The following ZFYVE26 variants were observed in gnomAD, a reference collection of about 807,000 sequenced individuals.
ZFYVE26 encodes the protein zinc finger FYVE-type containing 26, also known as zinc finger FYVE domain-containing protein 26.
Under a neutral mutation model 276.5 loss-of-function variants are expected in ZFYVE26, and 181 were observed. The observed-to-expected ratio is 0.65, with a 90% CI of 0.58 to 0.74. ZFYVE26 has a LOEUF of 0.74. ZFYVE26 is among the 30% of genes least tolerant of loss of function. The pLI is 0.00. For missense variants in ZFYVE26, 2,821 were observed against 3,097.9 expected (o/e 0.91, Z 2.12); for synonymous variants, 1,129 against 1,203.1 (o/e 0.94, Z 1.27).
intron 32 of ZFYVE26, among the ~76,000 whole-genome samples, chr14:67,763,124 T>C (rs767373257): frequency 6.6e-6 from 1 of 152,186 alleles, no homozygotes; most frequent in South Asian, 2.1e-4. Flanking sequence ...AGGCTGGTCT[T>C]GAACTCCTGA....
intron 2 of ZFYVE26, among the ~76,000 whole-genome samples, chr14:67,815,367 G>C (rs1371835517): frequency 1.3e-5 from 2 of 152,188 alleles, no homozygotes; most frequent in Non-Finnish European, 2.9e-5. Flanking sequence ...GCAGCTTCTT[G>C]TGAGACTGCA....
intron 13 of ZFYVE26, among the ~76,000 whole-genome samples, chr14:67,732,823 CACCCACCTCAGCCT>C (rs1374498167): frequency 1.3e-5 from 2 of 152,162 alleles, no homozygotes; most frequent in African/African-American, 2.4e-5. Context: ...TCAGGTGATC[CACCCACCTCAGCCT>C]CCCAAAGTCC....
At chr14:67,762,438 T>C in intron 33 of ZFYVE26, 26 bp from the exon 34 acceptor site, 2 of 1,604,884 alleles carry the variant, frequency 1.2e-6, no homozygotes, top group Non-Finnish European at 1.7e-6. Flanking sequence ...CCCCTTTTAG[T>C]GAGTGGTAGC....
chr14:67,766,311 G>A lies in ZFYVE26; in HGVS notation c.5927C>T (p.Thr1976Met), dbSNP rs149744465. The change falls in exon 32 of 42, where the codon ACG (threonine) becomes ATG (methionine). Residue 1976 changes from threonine (T) to methionine (M), a missense_variant. By Grantham distance (81) the Thr-to-Met change is moderately conservative. Transcript: ENST00000347230. ...GAACAGCAGCTGCTTCATGATGTCC[G>A]TGAGCAGCCCGGCATCCACCTCTGG... ...TNPEVDAGLL[T>M]DIMKQLLFSA... is the part of the protein sequence containing the mutation. The A allele has an allele frequency of 2.5e-4, 402 of 1,613,586 alleles. No individual in the cohort carries two copies. The highest frequency in any genetic ancestry group is 3.2e-4 in the Non-Finnish European group (380 of 1,180,044).
Position 67,783,376 on chromosome 14 carries a change from A to G in ZFYVE26, c.3776T>C (p.Leu1259Pro). The change falls in exon 21 of 42, where the codon CTA (leucine) becomes CCA (proline). Residue 1259 changes from leucine to proline, a missense_variant. Transcript: ENST00000347230. The stretch of plus-strand genomic sequence containing the variant: ...GTCATCCAGGCAGTGAGAGGCGTGT[A>G]GCTGGGCCAGAGTACCCAGACGAGT... ...LLTRLGTLAQLHASHCLDDLP... is the reference protein window; with the variant it reads ...LLTRLGTLAQPHASHCLDDLP... 1.2e-6 allele frequency: 2 copies of G among 1,614,118 alleles called. No homozygotes were observed. Among genetic ancestry groups the G allele is most frequent in the South Asian group, 1.1e-5 (1 of 91,080 alleles).
At position 67,784,440 on chromosome 14, in the gene ZFYVE26, C is replaced by T. The variant is rs2039596075; in HGVS notation, c.3524-4G>A. ...CCTACCTTGACCTCCACATGATCTG[C>T]AAAGGTAAAGAACATGATCTTTGTT... On this transcript the variant is annotated splice_region_variant and splice_polypyrimidine_tract_variant and intron_variant, in intron 19 of 41. Transcript: ENST00000347230. 1 of 1,613,132 alleles carries T rather than the reference C, an allele frequency of 6.2e-7. No individual in the cohort carries two copies. Among genetic ancestry groups the T allele is most frequent in the Non-Finnish European group, 8.5e-7 (1 of 1,179,098 alleles).
intron 3 of ZFYVE26, among the ~76,000 whole-genome samples, chr14:67,811,622 A>T (rs1429982449): frequency 6.6e-6 from 1 of 151,884 alleles, no homozygotes; most frequent in Non-Finnish European, 1.5e-5. Flanking sequence ...CAAATAAGTA[A>T]ACTAAAATAT....
intron 13 of ZFYVE26, chr14:67,733,838 G>C: frequency 1.2e-6 from 2 of 1,611,236 alleles, no homozygotes. Flanking sequence ...CTAGGAATCC[G>C]GTGGGAGTAG....
chr14:67,757,578 A>G (rs2038810395), intron 35 of ZFYVE26, among the ~76,000 whole-genome samples: 1 of 152,106 alleles, frequency 6.6e-6, no homozygotes, highest in African/African-American at 2.4e-5. Context: ...TTCATCATCT[A>G]CAATATCTAT....
At chr14:67,792,591 A>G (rs984405303) in intron 14 of ZFYVE26, among the ~76,000 whole-genome samples, 3 of 151,994 alleles carry the variant, frequency 2.0e-5, no homozygotes, top group African/African-American at 7.3e-5. Context: ...AGCTCTCCAT[A>G]CTTCTTGTAT....
At chr14:67,734,404 C>A (rs752589582) in intron 13 of ZFYVE26, 1 of 155,012 alleles carries the variant, frequency 6.5e-6, no homozygotes, top group Non-Finnish European at 1.4e-5. Flanking sequence ...GTAAAGAGTT[C>A]CGTTTGCCTT....
chr14:67,777,701 A>T lies in ZFYVE26; in HGVS notation c.4832T>A (p.Leu1611His). Reference protein sequence around the residue: ...LRRIPDPTMCLEVTEQSLDQH... With the variant: ...LRRIPDPTMCHEVTEQSLDQH... ...GTCGAGGGATTGCTCTGTCACTTCA[A>T]GGCACATGGTGGGGTCAGGGATTCT... The change falls in exon 25 of 42, where the codon CTT (leucine) becomes CAT (histidine). Residue 1611 changes from leucine (L) to histidine (H), a missense_variant. Leu to His is a moderately conservative substitution (Grantham distance 99, BLOSUM62 -3). Coordinates refer to ENST00000347230, the MANE Select transcript of ZFYVE26 (RefSeq NM_015346.4). 1.2e-6 allele frequency: 2 copies of T among 1,614,192 alleles called. No homozygotes were observed. Among genetic ancestry groups the T allele is most frequent in the Non-Finnish European group, 1.7e-6 (2 of 1,180,048 alleles).
intron 13 of ZFYVE26, among the ~76,000 whole-genome samples, chr14:67,739,193 G>C (rs567793713): frequency 2.6e-5 from 4 of 152,296 alleles, no homozygotes; most frequent in African/African-American, 9.6e-5. Flanking sequence ...GAAATTTTCT[G>C]TCTTGTGTTG....
At chr14:67,754,910 C>CTACA in intron 37 of ZFYVE26, 141 bp downstream of exon 37, 1 of 982,532 alleles carries the variant, frequency 1.0e-6, no homozygotes, top group South Asian at 1.4e-5. Flanking sequence ...TAGGCTTGTA[C>CTACA]TACACACTGT....
chr14:67,777,881 T>C lies in ZFYVE26; in HGVS notation c.4798-146A>G. Reference sequence around the variant, plus strand: ...TCCTTTTTTTTTTTAACCACCTCTGTAGTTTCCCAAATGCCATGGCTTTGA... The same window carrying C: ...TCCTTTTTTTTTTTAACCACCTCTGCAGTTTCCCAAATGCCATGGCTTTGA... On this transcript the variant is annotated intron_variant, in intron 24 of 41. Transcript: ENST00000347230. The C allele has an allele frequency of 2.5e-6, 3 of 1,208,948 alleles. No homozygotes were observed. The South Asian group carries it at 3.8e-5, about 15-fold the overall frequency. 74.9% of individuals were successfully genotyped at this position (1,208,948 alleles called of 1,614,324 possible).
In ZFYVE26 at chr14:67,816,170, C is replaced by T. The variant is rs1017028472; in HGVS notation, c.-83-124G>A. 7.3e-5 allele frequency: 40 copies of T among 549,278 alleles called. No homozygotes were observed. In the South Asian group the frequency reaches 9.7e-4, roughly 13 times the overall value. The allele number at this position is 549,278 out of a possible 1,614,324, so 34.0% of individuals were successfully genotyped here. A position where few individuals can be genotyped will look rare whatever the true frequency, so the allele number is the denominator to read the frequency against. The stretch of plus-strand genomic sequence containing the variant: ...CTAAGTATCGTTTTCAGTTTAATTT[C>T]CCACGTTACTTTTTGAAAACACTTT... On this transcript the variant is annotated intron_variant, in intron 1 of 41. Coordinates refer to ENST00000347230, the MANE Select transcript of ZFYVE26 (RefSeq NM_015346.4).
intron 13 of ZFYVE26, among the ~76,000 whole-genome samples, chr14:67,738,779 TCAG>T (rs2038381244): frequency 6.6e-6 from 1 of 152,186 alleles, no homozygotes; most frequent in Non-Finnish European, 1.5e-5. Context: ...ATTAATAACT[TCAG>T]CAGACACTGT....
rs551913322 is a variant in ZFYVE26, at chr14:67,806,624, T to C, written c.938A>G (p.Asn313Ser). 6.2e-7 allele frequency: 1 copy of C among 1,614,182 alleles called. No homozygotes were observed. Among genetic ancestry groups the C allele is most frequent in the Non-Finnish European group, 8.5e-7 (1 of 1,180,016 alleles). Residue 313 changes from asparagine (N) to serine (S), a missense_variant, in exon 6 of 42, where the codon AAT (asparagine) becomes AGT (serine). By Grantham distance (46) the Asn-to-Ser change is conservative. Coordinates refer to ENST00000347230, the MANE Select transcript of ZFYVE26 (RefSeq NM_015346.4). ...TTTCCAAGCCTCGGCTGGGTTGGGA[T>C]TGGAGAACAGGGCTAGCATTGCCCG... ...PERAMLALFS[N>S]PNPAEAWKVA...
chr14:67,738,789 C>T (rs2038381321), intron 13 of ZFYVE26, among the ~76,000 whole-genome samples: 1 of 152,138 alleles, frequency 6.6e-6, no homozygotes, highest in Non-Finnish European at 1.5e-5. Flanking sequence ...TCAGCAGACA[C>T]TGTTAGCTGT....
Sources: allele counts gnomAD v4.1 joint callset (sites outside exome capture counted in the v4.1 genomes callset), GRCh38; gene constraint gnomAD v4.1.1; transcripts MANE v1.5; gene names NCBI Gene and HGNC (gene_info 2026-07-23, HGNC 2026-07-21).